The following DGKG variants were observed in gnomAD, a reference collection of about 807,000 sequenced individuals.
DGKG encodes diacylglycerol kinase gamma.
Under a neutral mutation model 105.3 loss-of-function variants are expected in DGKG, and 78 were observed. The ratio of observed to expected loss-of-function variants is 0.74; its 90% CI spans 0.62 to 0.89. The LOEUF is 0.89. Ranked by LOEUF, DGKG falls within the 40% of genes least tolerant of loss-of-function variation. The pLI, the probability that DGKG is intolerant of heterozygous loss-of-function variation, is 0.00. For missense variants in DGKG, 958 were observed against 1,020.1 expected (o/e 0.94, Z 0.83); for synonymous variants, 346 against 367.1 (o/e 0.94, Z 0.66).
intron 1 of DGKG, among the ~76,000 whole-genome samples, chr3:186,353,608 CATATAT>C (rs1276529653): frequency 6.9e-6 from 1 of 144,326 alleles, no homozygotes; most frequent in African/African-American, 2.6e-5. Context: ...CACACATACA[CATATAT>C]ATAGACTCTC....
At chr3:186,295,137 C>T (rs776038580) in intron 5 of DGKG, among the ~76,000 whole-genome samples, 1 of 152,182 alleles carries the variant, frequency 6.6e-6, no homozygotes, top group Non-Finnish European at 1.5e-5. Context: ...ACTCTCTCTT[C>T]AAGGTCCCTG....
In DGKG at chr3:186,148,863, G is replaced by C; in HGVS notation, c.*1227C>G. 1.0e-6 allele frequency: 1 copy of C among 984,664 alleles called. No individual in the cohort carries two copies. The highest frequency in any genetic ancestry group is 1.2e-6 in the Non-Finnish European group (1 of 829,584). The allele number at this position is 984,664 out of a possible 1,614,324, so 61.0% of individuals were successfully genotyped here. On this transcript the variant is annotated 3_prime_UTR_variant, in exon 25 of 25. Coordinates refer to ENST00000265022, the MANE Select transcript of DGKG (RefSeq NM_001346.3). ...GTCCTGACAATGAAACGGTGGAGTGGGGGAGTGAGAACCTTCTTTTTCCTT... is the reference window on the plus strand; with the variant it reads ...GTCCTGACAATGAAACGGTGGAGTGCGGGAGTGAGAACCTTCTTTTTCCTT...
At chr3:186,257,999 C>T in intron 16 of DGKG, 60 bp from the exon 17 acceptor site, 2 of 1,262,050 alleles carry the variant, frequency 1.6e-6, no homozygotes, top group South Asian at 1.2e-5. Context: ...GACATTGATA[C>T]ATGTTGAGTC....
intron 11 of DGKG, among the ~76,000 whole-genome samples, chr3:186,269,824 G>T (rs1722233185): frequency 6.6e-6 from 1 of 152,182 alleles, no homozygotes; most frequent in African/African-American, 2.4e-5. Flanking sequence ...GGCAGGCTAG[G>T]CACTTGGAAA....
chr3:186,294,348 C>T (rs1723446174), intron 5 of DGKG, among the ~76,000 whole-genome samples: 2 of 151,996 alleles, frequency 1.3e-5, no homozygotes, highest in South Asian at 4.2e-4. Flanking sequence ...CTTGAAGTTC[C>T]AGATAAAATA....
chr3:186,229,333 C>T (rs754590218), intron 20 of DGKG, among the ~76,000 whole-genome samples: 3 of 151,904 alleles, frequency 2.0e-5, no homozygotes, highest in South Asian at 4.2e-4. Context: ...CTCCGCCTCC[C>T]GGGTTCAAGT....
intron 1 of DGKG, among the ~76,000 whole-genome samples, chr3:186,351,724 A>G (rs1195322980): frequency 1.3e-5 from 2 of 152,262 alleles, no homozygotes; most frequent in Non-Finnish European, 2.9e-5. Context: ...CAAAGTTTTC[A>G]TGAGCCTTGC....
At chr3:186,259,789 G>A (rs977055770) in intron 16 of DGKG, among the ~76,000 whole-genome samples, 6 of 152,106 alleles carry the variant, frequency 3.9e-5, no homozygotes, top group East Asian at 1.9e-4. Flanking sequence ...TGTAGGGGCC[G>A]CATCACAGAG....
chr3:186,355,241 C>CCCCGCT (rs1726867575), intron 1 of DGKG, among the ~76,000 whole-genome samples: 1 of 152,046 alleles, frequency 6.6e-6, no homozygotes, highest in African/African-American at 2.4e-5. Context: ...CAACTACCAT[C>CCCCGCT]ACCGCTACCA....
intron 17 of DGKG, among the ~76,000 whole-genome samples, chr3:186,257,265 T>C (rs549038742): frequency 2.4e-4 from 37 of 152,266 alleles, no homozygotes; most frequent in African/African-American, 8.7e-4. Context: ...TCAGTTTCCA[T>C]CACTTACTGG....
At chr3:186,193,133 G>A (rs4686744) in intron 21 of DGKG, among the ~76,000 whole-genome samples, 71,526 of 151,974 alleles carry the variant, frequency 0.47, 20,257 homozygotes, top group East Asian at 0.74. Context: ...AGAAGCCTGG[G>A]GTCTGCTGGA....
At chr3:186,250,107 C>T (rs1029563467) in intron 19 of DGKG, among the ~76,000 whole-genome samples, 2 of 152,082 alleles carry the variant, frequency 1.3e-5, no homozygotes, top group African/African-American at 4.8e-5. Context: ...CAAGGCACCA[C>T]CATGCGAGTC....
chr3:186,277,412 A>G (rs1353786391), intron 9 of DGKG, among the ~76,000 whole-genome samples: 2 of 152,232 alleles, frequency 1.3e-5, no homozygotes, highest in African/African-American at 4.8e-5. Context: ...CCACATAGAT[A>G]ATGAGGGACT....
At chr3:186,227,347 T>G (rs1719906153) in intron 20 of DGKG, among the ~76,000 whole-genome samples, 1 of 152,184 alleles carries the variant, frequency 6.6e-6, no homozygotes, top group South Asian at 2.1e-4. Flanking sequence ...CAGTTGTAAT[T>G]TCCATTTTAC....
chr3:186,296,387 G>C (rs1387488155), intron 5 of DGKG, among the ~76,000 whole-genome samples: 1 of 152,234 alleles, frequency 6.6e-6, no homozygotes, highest in African/African-American at 2.4e-5. Flanking sequence ...ATGCTCTGTT[G>C]CCTGATCCAA....
At chr3:186,346,794 AT>A (rs1168562415) in intron 1 of DGKG, among the ~76,000 whole-genome samples, 5 of 151,952 alleles carry the variant, frequency 3.3e-5, no homozygotes, top group Non-Finnish European at 5.9e-5. Flanking sequence ...ATTTTAATAG[AT>A]TTTTTCATTT....
At chr3:186,348,612 T>G (rs975610637) in intron 1 of DGKG, among the ~76,000 whole-genome samples, 1 of 151,858 alleles carries the variant, frequency 6.6e-6, no homozygotes, top group Non-Finnish European at 1.5e-5. Context: ...TCACCATTCC[T>G]GGCTAATTTT....
chr3:186,324,634 C>T (rs1393878394), intron 1 of DGKG, among the ~76,000 whole-genome samples: 1 of 152,074 alleles, frequency 6.6e-6, no homozygotes, highest in Non-Finnish European at 1.5e-5. Flanking sequence ...CTCAACATTG[C>T]TAATCATCAG....
chr3:186,207,334 C>A, intron 21 of DGKG: 1 of 442,732 alleles, frequency 2.3e-6, no homozygotes, highest in Non-Finnish European at 3.0e-6. Flanking sequence ...AGTGCCAGTA[C>A]TGCCCCGAAA....
Sources: gnomAD v4.1 joint callset for allele counts (sites outside exome capture counted in the v4.1 genomes callset) on GRCh38, gnomAD v4.1.1 for gene constraint, MANE v1.5 for transcripts, NCBI Gene and HGNC (gene_info 2026-07-23, HGNC 2026-07-21) for gene names.